Variants in ARMC3 observed in about 807,000 individuals in gnomAD.
ARMC3 encodes the protein armadillo repeat-containing protein 3.
Under a neutral mutation model 90.3 loss-of-function variants are expected in ARMC3, and 74 were observed. That is an observed-to-expected ratio of 0.82 (90% confidence interval 0.68 to 0.99). The LOEUF (loss-of-function observed/expected upper bound fraction) is 0.99, where lower values mean the gene tolerates loss of function less well. ARMC3 is among the 50% of genes least tolerant of loss of function. The pLI, the probability that ARMC3 is intolerant of heterozygous loss-of-function variation, is 0.00. For missense variants in ARMC3, 958 were observed against 1,042.8 expected (o/e 0.92, Z 1.12); for synonymous variants, 334 against 361.8 (o/e 0.92, Z 0.87).
chr10:23,008,444 G>T (rs1837741665), intron 15 of ARMC3, 70 bp downstream of exon 15: 1 of 867,608 alleles, frequency 1.2e-6, no homozygotes, highest in Non-Finnish European at 1.8e-6. Flanking sequence ...AAATGTTTTA[G>T]ATTTTAGATT....
Position 22,955,931 on chromosome 10 carries a change from T to C in ARMC3, c.291T>C (p.Asn97=), listed in dbSNP as rs756830456. 6.3e-7 allele frequency: 1 copy of C among 1,597,664 alleles called. No individual in the cohort carries two copies. The highest frequency in any genetic ancestry group is 8.6e-7 in the Non-Finnish European group (1 of 1,166,280). The change falls in exon 4 of 19, where the codon AAT becomes AAC. Residue 97 remains asparagine, a splice_region_variant and synonymous_variant. Transcript: ENST00000298032. ...TGATATTTGGAATCCTGGCTTCTAA[T>C]AGTAAGTATCAACTTTTAAAAATAA... The part of the protein sequence containing the change: ...ATMIFGILAS[N]NDVKKLLREL...
At chr10:22,947,321 C>T (rs1270521176) in intron 3 of ARMC3, among the ~76,000 whole-genome samples, 1 of 123,972 alleles carries the variant, frequency 8.1e-6, no homozygotes, top group East Asian at 2.0e-4. Context: ...ACAAACCAAC[C>T]AACCAAAAAA....
chr10:22,958,177 A>G (rs1200061745), intron 4 of ARMC3, among the ~76,000 whole-genome samples: 2 of 152,236 alleles, frequency 1.3e-5, no homozygotes, highest in African/African-American at 2.4e-5. Flanking sequence ...GCAGGTGGTT[A>G]GTAGTGGAAC....
chr10:22,946,166 G>A lies in ARMC3; in HGVS notation c.71G>A (p.Ser24Asn). The A allele has an allele frequency of 6.2e-7, 1 of 1,611,094 alleles. No individual in the cohort carries two copies. The highest frequency in any genetic ancestry group is 8.5e-7 in the Non-Finnish European group (1 of 1,178,850). ...KDVFDPLMIE[S>N]KKAATVVLML... ...CAGTTTGACCCATTAATGATTGAAA[G>A]CAAAAAAGCAGCAACTGTGGTGTTA... Residue 24 changes from serine (S) to asparagine (N), a missense_variant, in exon 3 of 19, where the codon AGC (serine) becomes AAC (asparagine). Coordinates refer to ENST00000298032, the MANE Select transcript of ARMC3 (RefSeq NM_173081.5).
At chr10:23,030,884 C>A in intron 17 of ARMC3, 88 bp downstream of exon 17, 1 of 1,395,932 alleles carries the variant, frequency 7.2e-7, no homozygotes, top group South Asian at 1.5e-5. Flanking sequence ...ACAAATACAC[C>A]ATAAATAAAA....
chr10:23,004,910 GC>G (rs1716817709), intron 13 of ARMC3, among the ~76,000 whole-genome samples: 1 of 152,160 alleles, frequency 6.6e-6, no homozygotes, highest in Non-Finnish European at 1.5e-5. Context: ...TCAGGACAAA[GC>G]TGTTTTAAGA....
rs186536746 is a variant in ARMC3, at chr10:23,037,873, T to C, written c.*394T>C. 6.3e-6 allele frequency: 1 copy of C among 159,310 alleles called. No homozygotes were observed. Among genetic ancestry groups the C allele is most frequent in the South Asian group, 2.0e-4 (1 of 4,916 alleles). 9.9% of individuals were successfully genotyped at this position (159,310 alleles called of 1,614,324 possible). Reference sequence around the variant, plus strand: ...CCCAGAATGCTTCAGGCATGCTCAGTTAAGCAAACTAAGTGAATTTTTAGT... The same window carrying C: ...CCCAGAATGCTTCAGGCATGCTCAGCTAAGCAAACTAAGTGAATTTTTAGT... On this transcript the variant is annotated 3_prime_UTR_variant, in exon 19 of 19. Coordinates refer to ENST00000298032, the MANE Select transcript of ARMC3 (RefSeq NM_173081.5).
In ARMC3 at chr10:22,951,727, A is replaced by C. The variant is rs551131144; in HGVS notation, c.167-4080A>C. Among the ~76,000 whole-genome samples, 43 of 152,354 alleles carry C rather than the reference A, an allele frequency of 2.8e-4. 1 individual carries two copies. The East Asian group carries it at 8.3e-3, about 29-fold the overall frequency. On this transcript the variant is annotated intron_variant, in intron 3 of 18. Coordinates refer to ENST00000298032, the MANE Select transcript of ARMC3 (RefSeq NM_173081.5). ...AGAATTGAAAATTAAAACACAGCAA[A>C]AGTGCCACTCAAAGTATTTAGAGAG... is the stretch of plus-strand genomic sequence containing the variant.
intron 8 of ARMC3, among the ~76,000 whole-genome samples, chr10:22,974,640 G>C (rs7894805): frequency 6.9e-6 from 1 of 144,586 alleles, no homozygotes; most frequent in African/African-American, 2.6e-5. Flanking sequence ...GTTTTTTTTT[G>C]TTTGTTTGTT....
intron 10 of ARMC3, among the ~76,000 whole-genome samples, chr10:22,991,562 A>G (rs1040524391): frequency 1.3e-5 from 2 of 152,098 alleles, no homozygotes; most frequent in Non-Finnish European, 2.9e-5. Flanking sequence ...AAAGGAACAC[A>G]TCAGGCCTAC....
At chr10:22,936,105 T>A (rs530390045) in intron 2 of ARMC3, among the ~76,000 whole-genome samples, 7 of 152,326 alleles carry the variant, frequency 4.6e-5, no homozygotes, top group African/African-American at 1.4e-4. Flanking sequence ...CCTGTGCTAA[T>A]ACTCCAGCCA....
chr10:23,030,265 C>A (rs1401109387), intron 16 of ARMC3, among the ~76,000 whole-genome samples: 4 of 152,088 alleles, frequency 2.6e-5, no homozygotes, highest in Admixed American at 6.6e-5. Context: ...CCTATAGATA[C>A]CAAAATCCAT....
chr10:23,003,765 T>C (rs1305443409), intron 13 of ARMC3, among the ~76,000 whole-genome samples: 1 of 151,848 alleles, frequency 6.6e-6, no homozygotes, highest in East Asian at 1.9e-4. Context: ...CCCAGGAGTT[T>C]GAGGCTAGAG....
chr10:23,026,702 C>G (rs192272364), intron 16 of ARMC3, among the ~76,000 whole-genome samples: 63 of 152,182 alleles, frequency 4.1e-4, no homozygotes, highest in Admixed American at 7.8e-4. Context: ...GACATTGATA[C>G]AATCCAATCA....
At chr10:23,004,443 A>G (rs1465684021) in intron 13 of ARMC3, among the ~76,000 whole-genome samples, 3 of 152,204 alleles carry the variant, frequency 2.0e-5, no homozygotes, top group Non-Finnish European at 4.4e-5. Flanking sequence ...AAGGAAAAAA[A>G]AAATCACAGA....
At chr10:22,957,930 C>A (rs528763448) in intron 4 of ARMC3, among the ~76,000 whole-genome samples, 1 of 152,224 alleles carries the variant, frequency 6.6e-6, no homozygotes, top group African/African-American at 2.4e-5. Flanking sequence ...GGCATGGTGG[C>A]TCACGCCTAT....
intron 3 of ARMC3, among the ~76,000 whole-genome samples, chr10:22,950,999 G>A (rs372137500): frequency 1.6e-4 from 24 of 150,380 alleles, no homozygotes; most frequent in African/African-American, 4.7e-4. Context: ...GTGCAGTGGC[G>A]CAATCTCGGC....
At chr10:22,937,289 G>A (rs193056239) in intron 2 of ARMC3, among the ~76,000 whole-genome samples, 129 of 152,256 alleles carry the variant, frequency 8.5e-4, no homozygotes, top group East Asian at 2.5e-3. Flanking sequence ...ATGTTTAAAT[G>A]TATTTTCGTA....
chr10:22,974,795 A>C (rs1412831383), intron 8 of ARMC3, among the ~76,000 whole-genome samples: 3 of 152,094 alleles, frequency 2.0e-5, no homozygotes, highest in African/African-American at 7.2e-5. Flanking sequence ...GGTGCGTGCC[A>C]TCATGCTCAT....
Sources: allele counts gnomAD v4.1 joint callset (sites outside exome capture counted in the v4.1 genomes callset), GRCh38; gene constraint gnomAD v4.1.1; transcripts MANE v1.5; gene names NCBI Gene and HGNC (gene_info 2026-07-23, HGNC 2026-07-21).